Variants in IMMP2L observed in about 807,000 individuals in gnomAD.
The protein encoded by IMMP2L is inner mitochondrial membrane peptidase subunit 2.
In IMMP2L, 18 loss-of-function variants were observed where a neutral mutation model predicts 19.3. The observed-to-expected ratio is 0.93, with a 90% CI of 0.64 to 1.38. The LOEUF is 1.38. Among genes scored for constraint, IMMP2L ranks in the 40% most tolerant of loss-of-function variants. IMMP2L has a pLI of 0.00. For missense variants in IMMP2L, 233 were observed against 218.2 expected, an observed-to-expected ratio of 1.07 and a Z score of -0.43; for synonymous variants, 76 against 73.0, an observed-to-expected ratio of 1.04 and a Z score of -0.21.
chr7:111,389,019 G>C lies in IMMP2L; in HGVS notation c.239+98219C>G, dbSNP rs375782349. 8.2e-4 allele frequency among the ~76,000 whole-genome samples: 125 copies of C among 152,260 alleles called. 3 individuals carry two copies. In the South Asian group the frequency reaches 0.024, roughly 29 times the overall value. ...GAGCAATCTTAGACCCAGTAGCAAA[G>C]AGCAACCTTAGCATCCACTAAAAGA... is the stretch of plus-strand genomic sequence containing the variant. On this transcript the variant is annotated intron_variant, in intron 3 of 5. Coordinates refer to ENST00000405709, the MANE Select transcript of IMMP2L (RefSeq NM_032549.4).
At chr7:111,250,452 T>C (rs756761577) in intron 3 of IMMP2L, among the ~76,000 whole-genome samples, 23 of 151,974 alleles carry the variant, frequency 1.5e-4, no homozygotes, top group Admixed American at 6.6e-5. Context: ...GCCACAACAA[T>C]CCTAAGCAAA....
chr7:111,204,464 A>C (rs1007945809), intron 3 of IMMP2L, among the ~76,000 whole-genome samples: 1 of 152,194 alleles, frequency 6.6e-6, no homozygotes, highest in Non-Finnish European at 1.5e-5. Context: ...AAGCATACTA[A>C]GTATTAAATA....
intron 3 of IMMP2L, among the ~76,000 whole-genome samples, chr7:111,090,120 T>A (rs1796703206): frequency 6.6e-6 from 1 of 152,128 alleles, no homozygotes; most frequent in Non-Finnish European, 1.5e-5. Context: ...TCTAGTATAC[T>A]AATTAAGGTT....
At chr7:111,006,269 C>G (rs1025249660) in intron 3 of IMMP2L, among the ~76,000 whole-genome samples, 1 of 151,988 alleles carries the variant, frequency 6.6e-6, no homozygotes, top group Non-Finnish European at 1.5e-5. Flanking sequence ...ACTCTTGACT[C>G]AATGTGAAAA....
At chr7:111,517,997 A>G (rs527386090) in intron 2 of IMMP2L, among the ~76,000 whole-genome samples, 4 of 152,202 alleles carry the variant, frequency 2.6e-5, no homozygotes, top group Non-Finnish European at 5.9e-5. Flanking sequence ...TATAAACTAA[A>G]TCCTATTTTC....
At chr7:110,681,810 G>GT (rs1186189550) in intron 5 of IMMP2L, among the ~76,000 whole-genome samples, 1 of 152,086 alleles carries the variant, frequency 6.6e-6, no homozygotes. Context: ...TGTAGGAATT[G>GT]AGAGTAATCT....
intron 3 of IMMP2L, among the ~76,000 whole-genome samples, chr7:111,089,386 G>A (rs1433921398): frequency 6.6e-6 from 1 of 151,924 alleles, no homozygotes; most frequent in Non-Finnish European, 1.5e-5. Flanking sequence ...AATCACTTAA[G>A]ATACCATGGC....
chr7:111,181,301 C>T (rs1315068472), intron 3 of IMMP2L, among the ~76,000 whole-genome samples: 1 of 152,012 alleles, frequency 6.6e-6, no homozygotes, highest in African/African-American at 2.4e-5. Flanking sequence ...TCCCCAAACA[C>T]ATAACATGAA....
intron 3 of IMMP2L, among the ~76,000 whole-genome samples, chr7:111,238,596 A>G (rs1267573454): frequency 6.6e-6 from 1 of 151,936 alleles, no homozygotes; most frequent in Non-Finnish European, 1.5e-5. Context: ...TTAAGACCCA[A>G]TCACAAATAA....
intron 5 of IMMP2L, among the ~76,000 whole-genome samples, chr7:110,880,602 T>C (rs1010072865): frequency 6.6e-6 from 1 of 152,082 alleles, no homozygotes; most frequent in Non-Finnish European, 1.5e-5. Flanking sequence ...GGGCGCCTCA[T>C]ATTTTCCATT....
intron 3 of IMMP2L, among the ~76,000 whole-genome samples, chr7:111,482,635 TA>T (rs984428853): frequency 6.6e-6 from 1 of 151,224 alleles, no homozygotes; most frequent in Non-Finnish European, 1.5e-5. Flanking sequence ...TCCAAGAAAC[TA>T]AAAAAAAACC....
chr7:111,507,404 G>A (rs980761942), intron 2 of IMMP2L, among the ~76,000 whole-genome samples: 2 of 152,054 alleles, frequency 1.3e-5, no homozygotes, highest in Non-Finnish European at 2.9e-5. Flanking sequence ...AAATCTATAA[G>A]ATCATTAGGT....
At chr7:111,359,455 C>T (rs1829046462) in intron 3 of IMMP2L, among the ~76,000 whole-genome samples, 1 of 152,046 alleles carries the variant, frequency 6.6e-6, no homozygotes, top group African/African-American at 2.4e-5. Flanking sequence ...GCACCCGCCA[C>T]CACTCCTGGC....
intron 5 of IMMP2L, among the ~76,000 whole-genome samples, chr7:110,815,704 T>C (rs1263893268): frequency 6.6e-6 from 1 of 152,168 alleles, no homozygotes; most frequent in Non-Finnish European, 1.5e-5. Context: ...GGAGGGTGTA[T>C]GTGTCGAGGA....
intron 3 of IMMP2L, among the ~76,000 whole-genome samples, chr7:111,445,936 A>T (rs1385847854): frequency 6.6e-6 from 1 of 152,150 alleles, no homozygotes; most frequent in Admixed American, 6.5e-5. Context: ...TAGTCAAAGA[A>T]AGGGGTGATG....
At chr7:110,754,571 A>G (rs562188492) in intron 5 of IMMP2L, among the ~76,000 whole-genome samples, 12 of 152,080 alleles carry the variant, frequency 7.9e-5, no homozygotes, top group African/African-American at 2.9e-4. Flanking sequence ...TTTTGGGTCT[A>G]GGGATATTAA....
At chr7:111,420,831 A>G (rs1835440219) in intron 3 of IMMP2L, among the ~76,000 whole-genome samples, 2 of 151,790 alleles carry the variant, frequency 1.3e-5, no homozygotes, top group South Asian at 2.1e-4. Flanking sequence ...GTTGGTTCCA[A>G]GTCTTTGCTA....
rs114653857 is a variant in IMMP2L at position 110,956,622 on chromosome 7, A to T, written c.305+6878T>A. On this transcript the variant is annotated intron_variant, in intron 4 of 5. Transcript: ENST00000405709. ...GTAAATTCATCTTTTTTCACTCTCA[A>T]AGTGTCCTAGTTTAGATGATAAGTT... Among the ~76,000 whole-genome samples the T allele has an allele frequency of 4.0e-3, 610 of 152,000 alleles. 4 individuals are homozygous for T. Among genetic ancestry groups the T allele is most frequent in the African/African-American group, 0.014 (589 of 41,494 alleles).
At chr7:110,977,766 T>G (rs1820852483) in intron 3 of IMMP2L, among the ~76,000 whole-genome samples, 1 of 151,864 alleles carries the variant, frequency 6.6e-6, no homozygotes. Context: ...TCTTCTTCCT[T>G]AGAACCTTCT....
Sources: gnomAD v4.1 joint callset for allele counts (sites outside exome capture counted in the v4.1 genomes callset) on GRCh38, gnomAD v4.1.1 for gene constraint, MANE v1.5 for transcripts, NCBI Gene and HGNC (gene_info 2026-07-23, HGNC 2026-07-21) for gene names.